The following PRKN variants were observed in gnomAD, a reference collection of about 807,000 sequenced individuals.
The protein encoded by PRKN is parkin RBR E3 ubiquitin protein ligase, also known as E3 ubiquitin-protein ligase parkin.
PRKN carries 56 observed loss-of-function variants against 59.5 expected under a neutral mutation model. The observed-to-expected ratio is 0.94, with a 90% CI of 0.76 to 1.18. The LOEUF (loss-of-function observed/expected upper bound fraction) is 1.18. Ranked by LOEUF, PRKN falls within the 50% of genes most tolerant of loss-of-function variation. The pLI is 0.00. For synonymous variants in PRKN, 250 were observed against 222.1 expected (o/e 1.13, Z -1.12); for missense variants, 657 against 596.4 (o/e 1.10, Z -1.06).
chr6:162,476,033 C>A (rs1791995074), intron 1 of PRKN, among the ~76,000 whole-genome samples: 1 of 151,322 alleles, frequency 6.6e-6, no homozygotes, highest in Non-Finnish European at 1.5e-5. Context: ...AGGCGTGAGC[C>A]ACCGCACCTG....
At chr6:161,671,094 GAATCTAA>G (rs1222022094) in intron 7 of PRKN, among the ~76,000 whole-genome samples, 6 of 152,052 alleles carry the variant, frequency 3.9e-5, no homozygotes, top group African/African-American at 1.4e-4. Flanking sequence ...CTGACAACAT[GAATCTAA>G]AATCTAATTC....
chr6:162,457,834 T>C (rs1043075285), intron 1 of PRKN, among the ~76,000 whole-genome samples: 1 of 152,030 alleles, frequency 6.6e-6, no homozygotes, highest in Non-Finnish European at 1.5e-5. Context: ...CAAAAAGAGG[T>C]TTGTGGCCGG....
At position 162,570,394 on chromosome 6, in the gene PRKN, A is replaced by G. The variant is rs117658448; in HGVS notation, c.8-126921T>C. ...TACTACAACCACTATGGAGAAGATT[A>G]TTTTTTAGTTTTGAGGTTCCTCAAA... is the stretch of plus-strand genomic sequence containing the variant. On this transcript the variant is annotated intron_variant, in intron 1 of 11. Coordinates refer to ENST00000366898, the MANE Select transcript of PRKN (RefSeq NM_004562.3). Among the ~76,000 whole-genome samples the G allele has an allele frequency of 1.0e-3, 155 of 152,312 alleles. 2 individuals carry two copies. The East Asian group carries it at 0.024, about 24-fold the overall frequency.
At chr6:161,522,082 G>A (rs1778848215) in intron 9 of PRKN, among the ~76,000 whole-genome samples, 1 of 152,126 alleles carries the variant, frequency 6.6e-6, no homozygotes, top group Non-Finnish European at 1.5e-5. Context: ...TGTATATAAT[G>A]TTCTCCTGGG....
rs1787026430 is a variant in PRKN, at chr6:161,401,005, A to AG, written c.1084-14129_1084-14128insC. On this transcript the variant is annotated intron_variant, in intron 9 of 11. Transcript: ENST00000366898. This position sits in a 1 kb window ranked among gnomAD's most constrained non-coding sequence, Gnocchi z 4.4. ...GTTGATCAGAGTACACTGCAAACAA[A>AG]CATCTGTTTCTGATGGCTGCAGCAC... Among the ~76,000 whole-genome samples, 1 of 152,174 alleles carries AG rather than the reference A, an allele frequency of 6.6e-6. No individual in the cohort carries two copies. Among genetic ancestry groups the AG allele is most frequent in the Non-Finnish European group, 1.5e-5 (1 of 68,034 alleles).
At chr6:162,326,602 C>T (rs528522511) in intron 2 of PRKN, among the ~76,000 whole-genome samples, 40 of 152,168 alleles carry the variant, frequency 2.6e-4, no homozygotes, top group African/African-American at 9.4e-4. Context: ...TAAAATCAAA[C>T]AAGCTTTGTT....
At chr6:162,044,117 A>G (rs1784167572) in intron 5 of PRKN, among the ~76,000 whole-genome samples, 1 of 152,216 alleles carries the variant, frequency 6.6e-6, no homozygotes, top group Admixed American at 6.5e-5. Flanking sequence ...AAAATTGTAC[A>G]AAATAATCTT....
chr6:161,615,862 A>G (rs958998345), intron 7 of PRKN, among the ~76,000 whole-genome samples: 6 of 152,200 alleles, frequency 3.9e-5, no homozygotes, highest in Admixed American at 2.6e-4. Context: ...AACATCATGA[A>G]TCCATGCCAG....
intron 1 of PRKN, among the ~76,000 whole-genome samples, chr6:162,619,972 C>T (rs934817986): frequency 1.3e-5 from 2 of 152,152 alleles, no homozygotes; most frequent in African/African-American, 4.8e-5. Context: ...AATATTTGCA[C>T]ATGCATTAAC....
chr6:162,162,434 T>C (rs1782797748), intron 4 of PRKN, among the ~76,000 whole-genome samples: 1 of 152,142 alleles, frequency 6.6e-6, no homozygotes, highest in Admixed American at 6.5e-5. Context: ...CGACAGACAC[T>C]GAGGCACGAC....
Position 162,262,640 on chromosome 6 carries a change from G to A in PRKN, c.297C>T (p.Pro99=). 1.2e-6 allele frequency: 2 copies of A among 1,613,744 alleles called. No homozygotes were observed. Among genetic ancestry groups the A allele is most frequent in the African/African-American group, 2.7e-5 (2 of 74,988 alleles). The change falls in exon 3 of 12, where the codon CCC becomes CCT. Residue 99 remains proline, a synonymous_variant. Transcript: ENST00000366898. ...TGAGGTCCACCCGAGTCAAGCTCTGGGGCTCCCGCTCACAGCCTCCCGCCG... is the reference window on the plus strand; with the variant it reads ...TGAGGTCCACCCGAGTCAAGCTCTGAGGCTCCCGCTCACAGCCTCCCGCCG... ...RNAAGGCERE[P]QSLTRVDLSS...
chr6:162,660,402 C>T (rs1190377908), intron 1 of PRKN, among the ~76,000 whole-genome samples: 2 of 152,166 alleles, frequency 1.3e-5, no homozygotes, highest in Non-Finnish European at 2.9e-5. Context: ...ATCTGTTTCA[C>T]CATCACACTG....
chr6:162,519,039 G>A (rs755851055), intron 1 of PRKN, among the ~76,000 whole-genome samples: 3 of 152,004 alleles, frequency 2.0e-5, no homozygotes, highest in Admixed American at 6.6e-5. Flanking sequence ...GTGTGGTGAC[G>A]CATGCCTGTA....
intron 2 of PRKN, among the ~76,000 whole-genome samples, chr6:162,314,232 A>G (rs9456763): frequency 0.034 from 5,192 of 152,286 alleles, 303 homozygotes; most frequent in African/African-American, 0.12. Flanking sequence ...AGAATGTCTT[A>G]CAAGGTCACA....
At chr6:161,904,132 G>C (rs940170083) in intron 6 of PRKN, among the ~76,000 whole-genome samples, 1 of 151,864 alleles carries the variant, frequency 6.6e-6, no homozygotes, top group South Asian at 2.1e-4. Context: ...TTGTGCCCAG[G>C]TTGTCTTGGA....
intron 4 of PRKN, among the ~76,000 whole-genome samples, chr6:162,172,273 A>G (rs1783317556): frequency 6.6e-6 from 1 of 152,216 alleles, no homozygotes; most frequent in African/African-American, 2.4e-5. Flanking sequence ...CAAGCTACCC[A>G]GGGATGGGAG....
Position 161,369,978 on chromosome 6 carries a change from AC to A in PRKN, c.1168-9774del. 1 of 447,070 alleles carries A rather than the reference AC, an allele frequency of 2.2e-6. No individual in the cohort carries two copies. Among genetic ancestry groups the A allele is most frequent in the South Asian group, 1.6e-5 (1 of 63,510 alleles). The allele number at this position is 447,070 out of a possible 1,614,324, so 27.7% of individuals were successfully genotyped here. A position where few individuals can be genotyped will look rare whatever the true frequency, so the allele number is the denominator to read the frequency against. ...AACGGCTTAGCACAGAGCCAGGTGC[AC>A]CCTGAATGCTAACCGTGTGTTTTCT... is the stretch of plus-strand genomic sequence containing the variant. On this transcript the variant is annotated intron_variant, in intron 10 of 11. Coordinates refer to ENST00000366898, the MANE Select transcript of PRKN (RefSeq NM_004562.3). This position sits in a 1 kb window ranked among gnomAD's most constrained non-coding sequence, Gnocchi z 5.8.
In PRKN at chr6:161,533,701, T is replaced by C. The variant is rs2115390691; in HGVS notation, c.1083+15153A>G. On this transcript the variant is annotated intron_variant, in intron 9 of 11. Coordinates refer to ENST00000366898, the MANE Select transcript of PRKN (RefSeq NM_004562.3). The surrounding 1 kb of genome is among the most constrained non-coding windows in gnomAD (Gnocchi z 4.1). The stretch of plus-strand genomic sequence containing the variant: ...ATAAAATCTGCTGGGATCTGCCACC[T>C]TAACCCTTTTTTTCAGACATCTCTC... 6.6e-6 allele frequency among the ~76,000 whole-genome samples: 1 copy of C among 152,154 alleles called. No individual in the cohort carries two copies. Among genetic ancestry groups the C allele is most frequent in the Admixed American group, 6.6e-5 (1 of 15,236 alleles).
intron 9 of PRKN, among the ~76,000 whole-genome samples, chr6:161,455,291 C>T (rs888839934): frequency 5.3e-5 from 8 of 152,038 alleles, no homozygotes; most frequent in African/African-American, 1.9e-4. Flanking sequence ...CCTGCCTCGG[C>T]CTCCTAAAGT....
Sources: allele counts gnomAD v4.1 joint callset (sites outside exome capture counted in the v4.1 genomes callset), GRCh38; gene constraint gnomAD v4.1.1; non-coding constraint Gnocchi (gnomAD v3.1); transcripts MANE v1.5; gene names NCBI Gene and HGNC (gene_info 2026-07-23, HGNC 2026-07-21).